Variants in ERGIC1 observed in about 807,000 individuals in gnomAD.
The protein encoded by ERGIC1 is endoplasmic reticulum-Golgi intermediate compartment protein 1.
In ERGIC1, 19 loss-of-function variants were observed where a neutral mutation model predicts 38.3. That is an observed-to-expected ratio of 0.50 (90% confidence interval 0.35 to 0.73). The LOEUF is 0.73. ERGIC1 is among the 30% of genes least tolerant of loss of function. The probability of loss-of-function intolerance (pLI) is 0.01; values close to 1 mark genes in which losing one functional copy is unlikely to be tolerated. For synonymous variants in ERGIC1, 124 were observed against 157.6 expected (o/e 0.79, Z 1.60); for missense variants, 294 against 389.2 (o/e 0.76, Z 2.06).
At chr5:172,850,047 G>A (rs1230299165) in intron 1 of ERGIC1, among the ~76,000 whole-genome samples, 1 of 152,136 alleles carries the variant, frequency 6.6e-6, no homozygotes, top group African/African-American at 2.4e-5. Flanking sequence ...TGTCAACGTC[G>A]TGTGCTGATT....
chr5:172,868,553 G>A (rs1266705467), intron 1 of ERGIC1, among the ~76,000 whole-genome samples: 1 of 152,236 alleles, frequency 6.6e-6, no homozygotes, highest in Non-Finnish European at 1.5e-5. Flanking sequence ...TTGCGGGAGG[G>A]AGGGATGAAT....
intron 1 of ERGIC1, among the ~76,000 whole-genome samples, chr5:172,843,934 AG>A (rs1458085678): frequency 6.6e-6 from 1 of 152,184 alleles, no homozygotes; most frequent in Admixed American, 6.5e-5. Context: ...ATGTGAGACA[AG>A]TATACTTGGA....
chr5:172,859,791 C>T (rs939071936), intron 1 of ERGIC1, among the ~76,000 whole-genome samples: 1 of 152,350 alleles, frequency 6.6e-6, no homozygotes, highest in African/African-American at 2.4e-5. Context: ...TTGGCAAGAC[C>T]ACAGCATGGC....
rs116583815 is a variant in ERGIC1 at position 172,843,906 on chromosome 5, G to A, written c.20+9473G>A. The stretch of plus-strand genomic sequence containing the variant: ...TTCTTTGCGGGGATTTTGTGAGGGT[G>A]AGATGAGCTCATGTGGAATGTGAGA... On this transcript the variant is annotated intron_variant, in intron 1 of 9. Coordinates refer to ENST00000393784, the MANE Select transcript of ERGIC1 (RefSeq NM_001031711.3). 3.3e-3 allele frequency among the ~76,000 whole-genome samples: 497 copies of A among 152,344 alleles called. 1 individual carries two copies. Among genetic ancestry groups the A allele is most frequent in the African/African-American group, 0.011 (477 of 41,582 alleles).
At chr5:172,893,897 A>ATG (rs1323941581) in intron 2 of ERGIC1, among the ~76,000 whole-genome samples, 25 of 10,772 alleles carry the variant, frequency 2.3e-3, no homozygotes, top group South Asian at 4.5e-3. Context: ...ATATATATAT[A>ATG]TATATATATG....
At chr5:172,891,127 T>C (rs926282466) in intron 2 of ERGIC1, among the ~76,000 whole-genome samples, 1 of 152,206 alleles carries the variant, frequency 6.6e-6, no homozygotes, top group Non-Finnish European at 1.5e-5. Flanking sequence ...AACCCCTCAG[T>C]GCATGGATGA....
chr5:172,888,240 G>A (rs1485797845), intron 1 of ERGIC1, among the ~76,000 whole-genome samples: 5 of 152,054 alleles, frequency 3.3e-5, no homozygotes, highest in African/African-American at 7.2e-5. Context: ...TGGGCAGATC[G>A]GTTGAGCTTA....
chr5:172,896,971 TAA>T, intron 2 of ERGIC1, 29 bp from the exon 3 acceptor site: 6 of 1,609,522 alleles, frequency 3.7e-6, no homozygotes, highest in Non-Finnish European at 3.4e-6. Context: ...CCACCACCCT[TAA>T]CAGTTTGCAT....
intron 1 of ERGIC1, among the ~76,000 whole-genome samples, chr5:172,881,315 C>T (rs952730772): frequency 1.3e-5 from 2 of 152,102 alleles, no homozygotes; most frequent in African/African-American, 4.8e-5. Flanking sequence ...GTACAGGGAC[C>T]ACGGTGTACT....
chr5:172,886,872 G>A (rs748554501), intron 1 of ERGIC1, among the ~76,000 whole-genome samples: 4 of 152,150 alleles, frequency 2.6e-5, no homozygotes, highest in Non-Finnish European at 5.9e-5. Flanking sequence ...CAGTGTTAAA[G>A]CGGCCCCCAC....
intron 2 of ERGIC1, among the ~76,000 whole-genome samples, chr5:172,895,679 T>C (rs987928483): frequency 6.6e-6 from 1 of 151,218 alleles, no homozygotes; most frequent in Non-Finnish European, 1.5e-5. Context: ...CCTCTGGGAG[T>C]AGGGGAAGCT....
At chr5:172,901,856 C>A (rs1762889527) in intron 3 of ERGIC1, among the ~76,000 whole-genome samples, 1 of 152,176 alleles carries the variant, frequency 6.6e-6, no homozygotes, top group African/African-American at 2.4e-5. Flanking sequence ...CCACCTTGGC[C>A]TCCCAAAGTG....
Position 172,909,685 on chromosome 5 carries a change from C to G in ERGIC1, c.174C>G (p.Val58=). Residue 58 remains valine (V), a synonymous_variant, in exon 4 of 10, where the codon GTC becomes GTG. Coordinates refer to ENST00000393784, the MANE Select transcript of ERGIC1 (RefSeq NM_001031711.3). The part of the protein sequence containing the change: ...ITTEVVNELY[V]DDPDKDSGGK... The stretch of plus-strand genomic sequence containing the variant: ...CCCCTAGTGTGAACGAGCTCTATGT[C>G]GATGACCCAGACAAGGACAGCGGTG... 2 of 1,614,188 alleles carry G rather than the reference C, an allele frequency of 1.2e-6. No individual in the cohort carries two copies. Among genetic ancestry groups the G allele is most frequent in the Non-Finnish European group, 1.7e-6 (2 of 1,180,026 alleles).
chr5:172,914,744 G>C lies in ERGIC1; in HGVS notation c.281G>C (p.Gly94Ala). ...GGGCTTGACATTCAGGATGAGATGG[G>C]CAGGCACGAAGTGGGCCACATCGAC... is the stretch of plus-strand genomic sequence containing the variant. ...LVGLDIQDEM[G>A]RHEVGHIDNS... Residue 94 changes from glycine (G) to alanine (A), a missense_variant, in exon 5 of 10, where the codon GGC becomes GCC. Physicochemically the swap from Gly to Ala is moderately conservative, Grantham distance 60. Transcript: ENST00000393784. The C allele has an allele frequency of 6.2e-7, 1 of 1,614,158 alleles. No individual in the cohort carries two copies. Among genetic ancestry groups the C allele is most frequent in the Admixed American group, 1.7e-5 (1 of 60,014 alleles).
intron 1 of ERGIC1, among the ~76,000 whole-genome samples, chr5:172,857,702 C>T (rs890945333): frequency 2.0e-5 from 3 of 151,518 alleles, no homozygotes; most frequent in Non-Finnish European, 4.4e-5. Flanking sequence ...TGGGGTCTCA[C>T]GTGGCCCCAG....
rs1041973446 is a variant in ERGIC1 at position 172,865,871 on chromosome 5, T to C, written c.21-22828T>C. ...TATTTCATAGACTATTTTGGACATA[T>C]AGAATCATATAGAATCACACCCACC... On this transcript the variant is annotated intron_variant, in intron 1 of 9. Transcript: ENST00000393784. Among the ~76,000 whole-genome samples the C allele has an allele frequency of 2.6e-5, 4 of 152,178 alleles. No homozygotes were observed. In the South Asian group the frequency reaches 8.3e-4, roughly 32 times the overall value.
At chr5:172,835,082 A>G (rs1297277262) in intron 1 of ERGIC1, among the ~76,000 whole-genome samples, 1 of 152,186 alleles carries the variant, frequency 6.6e-6, no homozygotes, top group East Asian at 1.9e-4. Flanking sequence ...TGCAGTCACC[A>G]CAATGGGTCC....
intron 1 of ERGIC1, among the ~76,000 whole-genome samples, chr5:172,878,065 G>A (rs1475125072): frequency 6.6e-6 from 1 of 152,170 alleles, no homozygotes; most frequent in Non-Finnish European, 1.5e-5. Flanking sequence ...CTTGGTCTTT[G>A]TGGGAAGGAG....
intron 3 of ERGIC1, among the ~76,000 whole-genome samples, chr5:172,901,528 C>T (rs1762875985): frequency 6.6e-6 from 1 of 152,196 alleles, no homozygotes; most frequent in South Asian, 2.1e-4. Context: ...ACTCATGGTA[C>T]CTTCCATACT....
Sources: allele counts gnomAD v4.1 joint callset (sites outside exome capture counted in the v4.1 genomes callset), GRCh38; gene constraint gnomAD v4.1.1; transcripts MANE v1.5; gene names NCBI Gene and HGNC (gene_info 2026-07-23, HGNC 2026-07-21).